Variants in VTI1A observed in about 807,000 individuals in gnomAD.
VTI1A encodes the protein vesicle transport through interaction with t-SNAREs homolog 1A.
VTI1A carries 22 observed loss-of-function variants against 34.9 expected under a neutral mutation model. The observed-to-expected ratio is 0.63, with a 90% CI of 0.45 to 0.90. The LOEUF (loss-of-function observed/expected upper bound fraction) is 0.90, where lower values mean the gene tolerates loss of function less well. VTI1A is among the 40% of genes least tolerant of loss of function. The pLI, the probability that VTI1A is intolerant of heterozygous loss-of-function variation, is 0.00. For synonymous variants in VTI1A, 87 were observed against 97.3 expected, an observed-to-expected ratio of 0.89 and a Z score of 0.62; for missense variants, 268 against 275.6, an observed-to-expected ratio of 0.97 and a Z score of 0.20.
At chr10:112,457,621 G>A (rs1847582423) in intron 1 of VTI1A, among the ~76,000 whole-genome samples, 13 of 152,132 alleles carry the variant, frequency 8.5e-5, no homozygotes, top group Admixed American at 8.5e-4. Flanking sequence ...AAGGATTGAA[G>A]GCCTGGAAAT....
intron 5 of VTI1A, among the ~76,000 whole-genome samples, chr10:112,625,141 A>G (rs1589989164): frequency 6.6e-6 from 1 of 152,218 alleles, no homozygotes. Context: ...AGCGCTGAAT[A>G]CATATGTTTA....
chr10:112,530,745 A>G (rs1412356523), intron 4 of VTI1A, among the ~76,000 whole-genome samples: 1 of 152,162 alleles, frequency 6.6e-6, no homozygotes, highest in African/African-American at 2.4e-5. Flanking sequence ...AAGTGTGTCA[A>G]ACTTCAGCTA....
At chr10:112,811,712 A>AAAAAAAAAAAAT (rs67154330) in intron 7 of VTI1A, among the ~76,000 whole-genome samples, 3 of 84,066 alleles carry the variant, frequency 3.6e-5, no homozygotes, top group African/African-American at 9.5e-5. Flanking sequence ...AAAAAAAAAA[A>AAAAAAAAAAAAT]GAGTGCAGTC....
intron 3 of VTI1A, among the ~76,000 whole-genome samples, chr10:112,465,254 A>C (rs1847858504): frequency 6.6e-6 from 1 of 152,000 alleles, no homozygotes; most frequent in African/African-American, 2.4e-5. Flanking sequence ...TCTGCTTTAT[A>C]GCAAATTTAA....
chr10:112,812,040 A>G (rs1374454481), intron 7 of VTI1A, among the ~76,000 whole-genome samples: 1 of 152,254 alleles, frequency 6.6e-6, no homozygotes, highest in Admixed American at 6.5e-5. Context: ...ACTGTGATTC[A>G]TAATGTAAAC....
chr10:112,537,199 C>T (rs568566453), intron 4 of VTI1A, among the ~76,000 whole-genome samples: 1 of 150,856 alleles, frequency 6.6e-6, no homozygotes, highest in African/African-American at 2.4e-5. Context: ...TGACCAGATA[C>T]CAAAACTGAT....
At chr10:112,794,996 C>T (rs187430264) in intron 7 of VTI1A, among the ~76,000 whole-genome samples, 7 of 152,248 alleles carry the variant, frequency 4.6e-5, no homozygotes, top group Admixed American at 2.0e-4. Flanking sequence ...TTCTTTTACA[C>T]GTGTGATCTA....
intron 5 of VTI1A, among the ~76,000 whole-genome samples, chr10:112,546,031 CGT>C (rs1564821433): frequency 5.5e-5 from 8 of 145,444 alleles, no homozygotes; most frequent in Admixed American, 2.7e-4. Flanking sequence ...CGTGTATACG[CGT>C]ATGTGTGTGT....
chr10:112,678,035 C>CT (rs887447093), intron 7 of VTI1A, among the ~76,000 whole-genome samples: 1 of 152,158 alleles, frequency 6.6e-6, no homozygotes, highest in Non-Finnish European at 1.5e-5. Flanking sequence ...AGTGGAAACC[C>CT]TGCGGGTTTT....
intron 5 of VTI1A, among the ~76,000 whole-genome samples, chr10:112,646,136 A>G (rs1295106822): frequency 2.6e-5 from 4 of 152,188 alleles, no homozygotes; most frequent in African/African-American, 9.6e-5. Context: ...TGCTAGAAAT[A>G]CAACCTATCT....
chr10:112,528,720 G>A (rs1350749218), intron 4 of VTI1A, among the ~76,000 whole-genome samples: 1 of 152,058 alleles, frequency 6.6e-6, no homozygotes, highest in African/African-American at 2.4e-5. Flanking sequence ...TGAATGCGTA[G>A]TTCCCATGTC....
At chr10:112,551,839 A>T (rs867436674) in intron 5 of VTI1A, among the ~76,000 whole-genome samples, 1 of 152,194 alleles carries the variant, frequency 6.6e-6, no homozygotes, top group African/African-American at 2.4e-5. Context: ...GGGCAAATAC[A>T]TGGCTTATGA....
At position 112,538,126 on chromosome 10, in the gene VTI1A, A is replaced by G. The variant is rs1021606565; in HGVS notation, c.343-120A>G. 9.5e-6 allele frequency: 7 copies of G among 736,546 alleles called. No individual in the cohort carries two copies. The Admixed American group carries it at 1.9e-4, about 20-fold the overall frequency. The allele number at this position is 736,546 out of a possible 1,614,324, so 45.6% of individuals were successfully genotyped here. A position where few individuals can be genotyped will look rare whatever the true frequency, so the allele number is the denominator to read the frequency against. ...GGAAAATTTGCTAAAAATTAACTGT[A>G]ATGGGTTGCGAACCCCCCCACCCCA... On this transcript the variant is annotated intron_variant, in intron 4 of 7. Transcript: ENST00000393077.
chr10:112,503,481 A>G (rs1158987094), intron 3 of VTI1A, among the ~76,000 whole-genome samples: 1 of 152,220 alleles, frequency 6.6e-6, no homozygotes, highest in Admixed American at 6.5e-5. Flanking sequence ...CTTGCTGCAT[A>G]TTGTTTATCC....
intron 7 of VTI1A, among the ~76,000 whole-genome samples, chr10:112,681,957 A>C (rs1848232036): frequency 6.6e-6 from 1 of 152,188 alleles, no homozygotes; most frequent in Admixed American, 6.5e-5. Flanking sequence ...GAATGGGCTT[A>C]TAGAAATTTA....
chr10:112,754,804 TA>T (rs1405961342), intron 7 of VTI1A, among the ~76,000 whole-genome samples: 2 of 152,142 alleles, frequency 1.3e-5, no homozygotes, highest in Admixed American at 6.5e-5. Context: ...GGCAACAAAC[TA>T]GAATCGGTCT....
intron 5 of VTI1A, among the ~76,000 whole-genome samples, chr10:112,578,276 A>G (rs1347907544): frequency 1.3e-5 from 2 of 152,202 alleles, no homozygotes; most frequent in Admixed American, 1.3e-4. Context: ...TCACTGAGGA[A>G]GAATCAACAG....
At chr10:112,737,809 C>T in intron 7 of VTI1A, 1 of 1,059,762 alleles carries the variant, frequency 9.4e-7, no homozygotes. Flanking sequence ...TTTTCTGTTG[C>T]TGAGTCATTT....
intron 6 of VTI1A, among the ~76,000 whole-genome samples, chr10:112,668,499 T>G (rs981342997): frequency 6.6e-6 from 1 of 152,102 alleles, no homozygotes; most frequent in African/African-American, 2.4e-5. Context: ...AGGTAGGTAT[T>G]TTATTTACTT....
Sources: allele counts gnomAD v4.1 joint callset (sites outside exome capture counted in the v4.1 genomes callset), GRCh38; gene constraint gnomAD v4.1.1; transcripts MANE v1.5; gene names NCBI Gene and HGNC (gene_info 2026-07-23, HGNC 2026-07-21).